The following TUSC3 variants were observed in gnomAD, a reference collection of about 807,000 sequenced individuals.
The protein encoded by TUSC3 is tumor suppressor candidate 3.
A neutral mutation model predicts 44.8 loss-of-function variants in TUSC3; 45 were observed. The observed-to-expected ratio is 1.00, with a 90% confidence interval of 0.79 to 1.29. TUSC3 has a LOEUF of 1.29. Ranked by LOEUF, TUSC3 falls within the 50% of genes most tolerant of loss-of-function variation. The probability of loss-of-function intolerance (pLI) is 0.00; values close to 1 mark genes in which losing one functional copy is unlikely to be tolerated. For missense variants in TUSC3, 519 were observed against 437.9 expected (o/e 1.19, Z -1.65); for synonymous variants, 212 against 152.9 (o/e 1.39, Z -2.85).
chr8:15,585,172 T>G (rs1803544083), intron 1 of TUSC3, among the ~76,000 whole-genome samples: 2 of 152,170 alleles, frequency 1.3e-5, no homozygotes, highest in African/African-American at 4.8e-5. Context: ...TAACTGGCGT[T>G]AGGAATAGAG....
the TUSC3 span, among the ~76,000 whole-genome samples, chr8:15,802,623 T>C: frequency 6.6e-6 from 1 of 152,086 alleles, no homozygotes; most frequent in South Asian, 2.1e-4. Flanking sequence ...AAGAGGGGCA[T>C]GGCTATAATT....
At chr8:15,836,115 A>T in the TUSC3 span, among the ~76,000 whole-genome samples, 1 of 151,480 alleles carries the variant, frequency 6.6e-6, no homozygotes, top group African/African-American at 2.4e-5. Context: ...ATTTATTCTC[A>T]TACTATTGTT....
the TUSC3 span, among the ~76,000 whole-genome samples, chr8:15,815,941 A>G: frequency 2.0e-5 from 3 of 152,192 alleles, no homozygotes; most frequent in African/African-American, 4.8e-5. Context: ...ACGAGGGCCC[A>G]TAAGTAGCAA....
the TUSC3 span, among the ~76,000 whole-genome samples, chr8:15,841,519 A>AT: frequency 2.8e-4 from 41 of 146,456 alleles, no homozygotes; most frequent in East Asian, 6.0e-4. Context: ...ATGAGACAAA[A>AT]TTTTTTTTTT....
At chr8:15,554,275 A>G (rs570985785) in intron 1 of TUSC3, among the ~76,000 whole-genome samples, 1 of 151,812 alleles carries the variant, frequency 6.6e-6, no homozygotes, top group African/African-American at 2.4e-5. Context: ...AATATTTTGA[A>G]CTCAGCATGG....
chr8:15,471,606 C>A (rs976543034), intron 1 of TUSC3, among the ~76,000 whole-genome samples: 22 of 150,010 alleles, frequency 1.5e-4, no homozygotes, highest in African/African-American at 4.4e-4. Context: ...ACGGAAATTT[C>A]TTTCCAGTTC....
intron 1 of TUSC3, among the ~76,000 whole-genome samples, chr8:15,604,587 C>G (rs1016009505): frequency 6.6e-6 from 1 of 151,658 alleles, no homozygotes; most frequent in African/African-American, 2.4e-5. Context: ...AGGGGATTAA[C>G]TTTTGTCATT....
chr8:15,692,405 A>C (rs1470931292), intron 6 of TUSC3, among the ~76,000 whole-genome samples: 1 of 74,908 alleles, frequency 1.3e-5, no homozygotes, highest in Non-Finnish European at 2.4e-5. Flanking sequence ...TTTTTGCAAT[A>C]GTTTCAGTGG....
At chr8:15,550,168 C>G (rs1290340932) in intron 1 of TUSC3, among the ~76,000 whole-genome samples, 1 of 151,696 alleles carries the variant, frequency 6.6e-6, no homozygotes, top group Non-Finnish European at 1.5e-5. Flanking sequence ...CGTTCTTTAA[C>G]TACCAGGCCC....
Position 15,764,341 on chromosome 8 carries a change from A to G in TUSC3, c.*185A>G. 1 of 1,038,194 alleles carries G rather than the reference A, an allele frequency of 9.6e-7. No individual in the cohort carries two copies. The highest frequency in any genetic ancestry group is 2.4e-5 in the Admixed American group (1 of 41,912). 64.3% of individuals were successfully genotyped at this position (1,038,194 alleles called of 1,614,324 possible). ...TAGCTTATTCTTGTGTACTTTTTTTAAACTGTGGGTTTTCCTAGTAAATTT... is the reference window on the plus strand; with the variant it reads ...TAGCTTATTCTTGTGTACTTTTTTTGAACTGTGGGTTTTCCTAGTAAATTT... On this transcript the variant is annotated 3_prime_UTR_variant, in exon 11 of 11. Coordinates refer to ENST00000503731, the MANE Select transcript of TUSC3 (RefSeq NM_006765.4).
intron 1 of TUSC3, among the ~76,000 whole-genome samples, chr8:15,465,205 A>G (rs1340360489): frequency 1.3e-5 from 2 of 152,158 alleles, no homozygotes; most frequent in Non-Finnish European, 1.5e-5. Flanking sequence ...TCCATTGCCA[A>G]ATGTATCATT....
rs1026722956 is a variant in TUSC3, at chr8:15,582,234, G to T, written c.139-40846G>T. Among the ~76,000 whole-genome samples, 4 of 152,156 alleles carry T rather than the reference G, an allele frequency of 2.6e-5. No homozygotes were observed. In the South Asian group the frequency reaches 8.3e-4, roughly 32 times the overall value. On this transcript the variant is annotated intron_variant, in intron 1 of 10. Transcript: ENST00000503731. ...GGCACTCCCTAGTGAGAGAAACCTG[G>T]TACCTCAGATGGAAATGCAGAAATC...
At chr8:15,850,446 C>A in the TUSC3 span, among the ~76,000 whole-genome samples, 1 of 152,044 alleles carries the variant, frequency 6.6e-6, no homozygotes, top group South Asian at 2.1e-4. Context: ...TAATTATTTT[C>A]TGGTTATTTA....
intron 1 of TUSC3, among the ~76,000 whole-genome samples, chr8:15,590,298 T>G (rs1230918197): frequency 6.6e-6 from 1 of 152,132 alleles, no homozygotes; most frequent in Non-Finnish European, 1.5e-5. Flanking sequence ...TCCAGAGAAG[T>G]TTTATAGCCA....
At chr8:15,750,803 G>GAGAT (rs1232898623) in intron 9 of TUSC3, among the ~76,000 whole-genome samples, 2 of 152,036 alleles carry the variant, frequency 1.3e-5, no homozygotes, top group Middle Eastern at 3.2e-3. Context: ...AGCCTAACAG[G>GAGAT]AGATAGATTT....
At chr8:15,811,635 C>A in the TUSC3 span, among the ~76,000 whole-genome samples, 1 of 152,120 alleles carries the variant, frequency 6.6e-6, no homozygotes, top group Non-Finnish European at 1.5e-5. Flanking sequence ...TGTGAGCGAA[C>A]AGGTGAATAT....
chr8:15,806,293 A>C, the TUSC3 span: 1 of 678,632 alleles, frequency 1.5e-6, no homozygotes, highest in Non-Finnish European at 2.8e-6. Flanking sequence ...GCTAATGTGT[A>C]CACCACATGG....
chr8:15,589,742 A>G (rs557066863), intron 1 of TUSC3, among the ~76,000 whole-genome samples: 1 of 152,322 alleles, frequency 6.6e-6, no homozygotes, highest in South Asian at 2.1e-4. Flanking sequence ...AACCATTATC[A>G]TCTTACAAAT....
At chr8:15,575,792 G>C (rs1803076718) in intron 1 of TUSC3, among the ~76,000 whole-genome samples, 1 of 151,998 alleles carries the variant, frequency 6.6e-6, no homozygotes, top group Non-Finnish European at 1.5e-5. Context: ...ATTCTTCTGA[G>C]ATGTACTTTT....
Sources: allele counts gnomAD v4.1 joint callset (sites outside exome capture counted in the v4.1 genomes callset), GRCh38; gene constraint gnomAD v4.1.1; transcripts MANE v1.5; gene names NCBI Gene and HGNC (gene_info 2026-07-23, HGNC 2026-07-21).